Variants in CEP350 observed in about 807,000 individuals in gnomAD.
CEP350 encodes the protein centrosome-associated protein 350.
CEP350 carries 126 observed loss-of-function variants against 331.8 expected under a neutral mutation model. The observed-to-expected ratio is 0.38, with a 90% CI of 0.33 to 0.44. The LOEUF (loss-of-function observed/expected upper bound fraction) is 0.44, where lower values mean the gene tolerates loss of function less well. Ranked by LOEUF, CEP350 falls within the 20% of genes least tolerant of loss-of-function variation. The pLI, the probability that CEP350 is intolerant of heterozygous loss-of-function variation, is 1.00. For missense variants in CEP350, 3,406 were observed against 3,634.6 expected, an observed-to-expected ratio of 0.94 and a Z score of 1.62; for synonymous variants, 1,200 against 1,259.5, an observed-to-expected ratio of 0.95 and a Z score of 1.00.
intron 1 of CEP350, among the ~76,000 whole-genome samples, chr1:179,961,526 T>G (rs1244804849): frequency 1.3e-5 from 2 of 152,182 alleles, no homozygotes; most frequent in East Asian, 3.9e-4. Context: ...TTAGTTCCAT[T>G]AAAAAAATGC....
intron 20 of CEP350, among the ~76,000 whole-genome samples, chr1:180,043,739 TA>T (rs1212434762): frequency 6.6e-6 from 1 of 151,470 alleles, no homozygotes; most frequent in Non-Finnish European, 1.5e-5. Flanking sequence ...TTAAAGAGAT[TA>T]TTTTTGGCGG....
intron 37 of CEP350, among the ~76,000 whole-genome samples, chr1:180,102,361 C>T (rs1169869850): frequency 2.0e-5 from 3 of 152,136 alleles, no homozygotes; most frequent in East Asian, 3.9e-4. Flanking sequence ...GTCTCAAGCT[C>T]CTGACCTCAG....
intron 16 of CEP350, among the ~76,000 whole-genome samples, chr1:180,036,087 T>C (rs1656337114): frequency 6.6e-6 from 1 of 152,172 alleles, no homozygotes; most frequent in African/African-American, 2.4e-5. Context: ...GTTCAGAACT[T>C]CAGTGGAGGA....
chr1:179,982,401 G>T (rs1306921071), intron 1 of CEP350, among the ~76,000 whole-genome samples: 1 of 151,890 alleles, frequency 6.6e-6, no homozygotes, highest in East Asian at 1.9e-4. Flanking sequence ...TATTAGTGGG[G>T]GATACTCTAC....
chr1:179,974,116 G>A (rs1244674468), intron 1 of CEP350, among the ~76,000 whole-genome samples: 7 of 149,752 alleles, frequency 4.7e-5, no homozygotes, highest in Non-Finnish European at 7.4e-5. Flanking sequence ...GTCTCGCTCT[G>A]TTGCCCAGAC....
intron 31 of CEP350, 85 bp downstream of exon 31, chr1:180,084,263 A>C: frequency 8.2e-7 from 1 of 1,225,874 alleles, no homozygotes; most frequent in Non-Finnish European, 1.1e-6. Context: ...TAATAAAGTA[A>C]TGGATTAGGA....
intron 8 of CEP350, among the ~76,000 whole-genome samples, 175 bp downstream of exon 8, chr1:180,006,742 A>C (rs1270292766): frequency 6.6e-6 from 1 of 152,094 alleles, no homozygotes; most frequent in African/African-American, 2.4e-5. Flanking sequence ...ATTTTTCCTA[A>C]TGCTATCCCT....
At chr1:179,992,350 T>TATAATATTATATACTATAATATA in intron 5 of CEP350, 129 bp downstream of exon 5, 1 of 674,368 alleles carries the variant, frequency 1.5e-6, no homozygotes, top group Non-Finnish European at 2.1e-6. Context: ...CTAATATTAC[T>TATAATATTATATACTATAATATA]ACCTTTTTCA....
rs1396521281 is a variant in CEP350 at position 180,022,819 on chromosome 1, G to A, written c.3357G>A (p.Ser1119=). The A allele has an allele frequency of 5.0e-6, 8 of 1,591,674 alleles. No individual in the cohort carries two copies. The highest frequency in any genetic ancestry group is 2.3e-5 in the South Asian group (2 of 87,846). ...TCTCCTCTCCAGGGACTGGGACTTC[G>A]ACAGAAAAAAAATCAACTCTTGAAC... ...DFVSSPGTGT[S]TEKKSTLEPH... The change falls in exon 13 of 38, where the codon TCG becomes TCA. Residue 1119 remains serine (S), a synonymous_variant. Coordinates refer to ENST00000367607, the MANE Select transcript of CEP350 (RefSeq NM_014810.5).
At position 180,041,047 on chromosome 1, in the gene CEP350, T is replaced by G; in HGVS notation, c.4111-91T>G. The G allele has an allele frequency of 7.7e-6, 7 of 904,634 alleles. No individual in the cohort carries two copies. In the South Asian group the frequency reaches 1.2e-4, roughly 16 times the overall value. The allele number at this position is 904,634 out of a possible 1,614,324, so 56.0% of individuals were successfully genotyped here. A position where few individuals can be genotyped will look rare whatever the true frequency, so the allele number is the denominator to read the frequency against. On this transcript the variant is annotated intron_variant, in intron 17 of 37. Transcript: ENST00000367607. ...GTTCTAATTAGTTGCTTCAAATGAT[T>G]TGTATTAGTAAGATAGCATTGTGTG...
chr1:180,006,615 G>T, intron 8 of CEP350, 48 bp downstream of exon 8: 1 of 929,952 alleles, frequency 1.1e-6, no homozygotes. Context: ...TTTAATTAAT[G>T]TTTTCATTAT....
Position 180,053,797 on chromosome 1 carries a change from T to A in CEP350, c.5037T>A (p.Phe1679Leu). The A allele has an allele frequency of 6.2e-7, 1 of 1,606,396 alleles. No individual in the cohort carries two copies. Among genetic ancestry groups the A allele is most frequent in the Admixed American group, 1.7e-5 (1 of 59,814 alleles). Residue 1679 changes from phenylalanine to leucine, a missense_variant, in exon 24 of 38, where the codon TTT becomes TTA. Physicochemically the swap from Phe to Leu is conservative, Grantham distance 22. This residue lies in a region of CEP350 where 104 missense variants were observed against 143.3 expected (regional missense o/e 0.73). Transcript: ENST00000367607. ...FSGGQDSFSKFTMEMVRQYMK... is the reference protein window; with the variant it reads ...FSGGQDSFSKLTMEMVRQYMK... ...GAGGACAAGATAGCTTTTCTAAATT[T>A]ACTATGGAGATGGTTCGACAGTATA...
In CEP350 at chr1:179,996,755, C is replaced by A; in HGVS notation, c.598C>A (p.Arg200=). 6.2e-7 allele frequency: 1 copy of A among 1,613,136 alleles called. No individual in the cohort carries two copies. The highest frequency in any genetic ancestry group is 8.5e-7 in the Non-Finnish European group (1 of 1,179,314). Reference sequence around the variant, plus strand: ...TACAGTTGTTAGGTTTTTAAATGATCGACCAGCAATTGATGCATTGCAAAA... The same window carrying A: ...TACAGTTGTTAGGTTTTTAAATGATAGACCAGCAATTGATGCATTGCAAAA... ...NDTVVRFLND[R]PAIDALQNSE... is the part of the protein sequence containing the mutation. The change falls in exon 6 of 38, where the codon CGA becomes AGA. Residue 200 remains arginine (R), a synonymous_variant. Coordinates refer to ENST00000367607, the MANE Select transcript of CEP350 (RefSeq NM_014810.5).
intron 34 of CEP350, 82 bp from the exon 35 acceptor site, chr1:180,095,441 T>C (rs1001767916): frequency 1.1e-5 from 16 of 1,420,600 alleles, no homozygotes; most frequent in Non-Finnish European, 1.5e-5. Flanking sequence ...ATATAAATAA[T>C]GCATTTACTC....
chr1:180,090,853 AAG>A, intron 33 of CEP350, 57 bp downstream of exon 33: 1 of 1,365,448 alleles, frequency 7.3e-7, no homozygotes, highest in Non-Finnish European at 9.6e-7. Context: ...GATTTATGCA[AAG>A]GCCTACAAAA....
intron 1 of CEP350, among the ~76,000 whole-genome samples, chr1:179,979,722 G>A (rs1334275441): frequency 2.0e-5 from 3 of 151,942 alleles, no homozygotes; most frequent in Admixed American, 6.6e-5. Context: ...GTTGATTTTT[G>A]TGTAGTGTGA....
In CEP350 at chr1:180,041,219, T is replaced by A; in HGVS notation, c.4192T>A (p.Leu1398Ile). 2 of 1,594,416 alleles carry A rather than the reference T, an allele frequency of 1.3e-6. No individual in the cohort carries two copies. Among genetic ancestry groups the A allele is most frequent in the South Asian group, 2.3e-5 (2 of 87,156 alleles). Residue 1398 changes from leucine (L) to isoleucine (I), a missense_variant, in exon 18 of 38, where the codon TTA becomes ATA. Coordinates refer to ENST00000367607, the MANE Select transcript of CEP350 (RefSeq NM_014810.5). Reference sequence around the variant, plus strand: ...AGAGGCTCTGGAGAGTCAGAGACAATTAGAAGAAACCCGAAACAAAGCAGC... The same window carrying A: ...AGAGGCTCTGGAGAGTCAGAGACAAATAGAAGAAACCCGAAACAAAGCAGC... ...EQEALESQRQ[L>I]EETRNKAAQV... is the part of the protein sequence containing the mutation.
rs1336616202 is a variant in CEP350 at position 180,093,127 on chromosome 1, G to C, written c.7022G>C (p.Ser2341Thr). Reference sequence around the variant, plus strand: ...CAGTCAGATCAAGATATGAATCATAGTCCAAACATCCAATCAGGAAAAGAC... The same window carrying C: ...CAGTCAGATCAAGATATGAATCATACTCCAAACATCCAATCAGGAAAAGAC... The part of the protein sequence containing the change: ...ERQSDQDMNH[S>T]PNIQSGKDIH... The change falls in exon 34 of 38, where the codon AGT becomes ACT. Residue 2341 changes from serine (S) to threonine (T), a missense_variant. By Grantham distance (58) the Ser-to-Thr change is moderately conservative. Transcript: ENST00000367607. The C allele has an allele frequency of 6.2e-7, 1 of 1,601,906 alleles. No homozygotes were observed. The highest frequency in any genetic ancestry group is 8.5e-7 in the Non-Finnish European group (1 of 1,173,422).
intron 27 of CEP350, among the ~76,000 whole-genome samples, chr1:180,072,856 AAT>A (rs1340830083): frequency 6.6e-6 from 1 of 152,166 alleles, no homozygotes; most frequent in Non-Finnish European, 1.5e-5. Context: ...CAAGGCAATA[AAT>A]GTTGCCTTGA....
Sources: allele counts gnomAD v4.1 joint callset (sites outside exome capture counted in the v4.1 genomes callset), GRCh38; gene constraint gnomAD v4.1.1; regional missense constraint gnomAD v4.1.1; transcripts MANE v1.5; gene names NCBI Gene and HGNC (gene_info 2026-07-23, HGNC 2026-07-21).